Variants in HOOK3 observed in about 807,000 individuals in gnomAD.
HOOK3 encodes hook microtubule tethering protein 3.
A neutral mutation model predicts 116.3 loss-of-function variants in HOOK3; 24 were observed. The observed-to-expected ratio is 0.21, with a 90% CI of 0.15 to 0.29. The LOEUF is 0.29. Among genes scored for constraint, HOOK3 ranks in the 10% least tolerant of loss-of-function variants. HOOK3 has a pLI of 1.00. For synonymous variants in HOOK3, 275 were observed against 283.0 expected (o/e 0.97, Z 0.28); for missense variants, 632 against 830.2 (o/e 0.76, Z 2.93).
At chr8:43,014,339 C>CATTTATAT in intron 21 of HOOK3, among the ~76,000 whole-genome samples, 1 of 149,094 alleles carries the variant, frequency 6.7e-6, no homozygotes, top group Admixed American at 6.7e-5. Flanking sequence ...GACCAGATTC[C>CATTTATAT]ATTTATTTAT....
chr8:42,998,522 A>G (rs1194130575), intron 16 of HOOK3, among the ~76,000 whole-genome samples: 1 of 152,170 alleles, frequency 6.6e-6, no homozygotes, highest in Non-Finnish European at 1.5e-5. Context: ...GATGTAGCCA[A>G]TTCCATTTCG....
chr8:43,011,226 C>T (rs945417171), intron 19 of HOOK3, among the ~76,000 whole-genome samples: 24 of 152,068 alleles, frequency 1.6e-4, no homozygotes, highest in African/African-American at 5.8e-4. Flanking sequence ...ATCTCCTGAC[C>T]TCGTGATCCG....
chr8:43,017,696 G>A (rs1187313453), intron 21 of HOOK3, among the ~76,000 whole-genome samples: 2 of 152,020 alleles, frequency 1.3e-5, no homozygotes, highest in East Asian at 1.9e-4. Flanking sequence ...TCATTCCTCC[G>A]CAGTCAGGTA....
rs1809992905 is a variant in HOOK3, at chr8:43,029,459, T to C, written c.*10961T>C. 1 of 178,432 alleles carries C rather than the reference T, an allele frequency of 5.6e-6. No homozygotes were observed. The highest frequency in any genetic ancestry group is 1.2e-5 in the Non-Finnish European group (1 of 83,148). The allele number at this position is 178,432 out of a possible 1,614,324, so 11.1% of individuals were successfully genotyped here. A position where few individuals can be genotyped will look rare whatever the true frequency, so the allele number is the denominator to read the frequency against. ...CACTGCGCCCGGCCCAAATCTTTTATTTTTTAACAGCCTTAGTTATTTATA... is the reference window on the plus strand; with the variant it reads ...CACTGCGCCCGGCCCAAATCTTTTACTTTTTAACAGCCTTAGTTATTTATA... On this transcript the variant is annotated 3_prime_UTR_variant, in exon 22 of 22. Coordinates refer to ENST00000307602, the MANE Select transcript of HOOK3 (RefSeq NM_032410.4).
chr8:42,993,142 G>A (rs1809199033), intron 15 of HOOK3, among the ~76,000 whole-genome samples: 1 of 152,128 alleles, frequency 6.6e-6, no homozygotes, highest in African/African-American at 2.4e-5. Context: ...AACCATCCTT[G>A]CATACCTGGG....
At chr8:42,959,173 C>A in intron 7 of HOOK3, 58 bp from the exon 8 acceptor site, 2 of 1,129,346 alleles carry the variant, frequency 1.8e-6, no homozygotes, top group South Asian at 1.3e-5. Flanking sequence ...GTTGAACATA[C>A]GAATTATTAA....
chr8:43,008,869 C>T (rs989377815), intron 18 of HOOK3, among the ~76,000 whole-genome samples: 2 of 150,582 alleles, frequency 1.3e-5, no homozygotes, highest in Non-Finnish European at 3.0e-5. Context: ...CCGTTTTAGC[C>T]GGGATGGTCT....
chr8:43,009,485 C>T (rs765975155), intron 18 of HOOK3, among the ~76,000 whole-genome samples: 47 of 151,634 alleles, frequency 3.1e-4, no homozygotes, highest in Non-Finnish European at 5.3e-4. Context: ...TTGAATTTTT[C>T]GTTAACTCTG....
rs1808636335 is a variant in HOOK3, at chr8:42,966,551, T to C, written c.858T>C (p.Asn286=). 2 of 1,614,064 alleles carry C rather than the reference T, an allele frequency of 1.2e-6. No homozygotes were observed. Among genetic ancestry groups the C allele is most frequent in the Non-Finnish European group, 1.7e-6 (2 of 1,180,022 alleles). Residue 286 remains asparagine (N), a synonymous_variant, in exon 10 of 22, where the codon AAT becomes AAC. Coordinates refer to ENST00000307602, the MANE Select transcript of HOOK3 (RefSeq NM_032410.4). ...AGATCTCTGAACTTCGGCAACAGAATGATGAACTGACCACTTTGGCAGATG... is the reference window on the plus strand; with the variant it reads ...AGATCTCTGAACTTCGGCAACAGAACGATGAACTGACCACTTTGGCAGATG... ...EKEISELRQQ[N]DELTTLADEA...
intron 18 of HOOK3, among the ~76,000 whole-genome samples, chr8:43,009,579 T>C (rs1307523648): frequency 1.3e-5 from 2 of 152,264 alleles, no homozygotes; most frequent in East Asian, 1.9e-4. Context: ...TTCCCAAATA[T>C]TTACTCCTGT....
rs142231045 is a variant in HOOK3 at position 42,954,422 on chromosome 8, A to G, written c.469-2672A>G. On this transcript the variant is annotated intron_variant, in intron 6 of 21. Coordinates refer to ENST00000307602, the MANE Select transcript of HOOK3 (RefSeq NM_032410.4). ...ACAACAATGTTTATCAAACTATTTT[A>G]TATTAACAGAAATATGAAAACAATG... 1.5e-4 allele frequency among the ~76,000 whole-genome samples: 23 copies of G among 152,348 alleles called. No individual in the cohort carries two copies. In the East Asian group the frequency reaches 3.9e-3, roughly 26 times the overall value.
At position 42,996,894 on chromosome 8, in the gene HOOK3, C is replaced by CTTTTTTTT. The variant is rs60094537; in HGVS notation, c.1533-635_1533-628dup. Among the ~76,000 whole-genome samples the CTTTTTTTT allele has an allele frequency of 1.4e-4, 11 of 77,896 alleles. 1 individual carries two copies. The highest frequency in any genetic ancestry group is 3.6e-4 in the African/African-American group (8 of 22,504). The allele number at this position is 77,896 out of a possible 152,430, so 51.1% of individuals were successfully genotyped here. A position where few individuals can be genotyped will look rare whatever the true frequency, so the allele number is the denominator to read the frequency against. On this transcript the variant is annotated intron_variant, in intron 15 of 21. Transcript: ENST00000307602. ...ACTTTAATTCCGTGAGGGCAGGGAT[C>CTTTTTTTT]TTTTTTTTTTTTTTTTTTTTTTTTT...
chr8:43,000,677 C>T (rs991618408), intron 16 of HOOK3: 4 of 156,218 alleles, frequency 2.6e-5, no homozygotes, highest in African/African-American at 9.6e-5. Context: ...TCTGGCAGAC[C>T]TGGGTTTTGG....
At chr8:42,904,174 T>A (rs1373248899) in intron 1 of HOOK3, among the ~76,000 whole-genome samples, 2 of 152,214 alleles carry the variant, frequency 1.3e-5, no homozygotes, top group Non-Finnish European at 2.9e-5. Flanking sequence ...TATGGTCACC[T>A]GAGTGTTATT....
At chr8:42,935,389 G>A (rs1807948118) in intron 4 of HOOK3, among the ~76,000 whole-genome samples, 1 of 152,052 alleles carries the variant, frequency 6.6e-6, no homozygotes, top group Non-Finnish European at 1.5e-5. Context: ...AGGCTCTTTA[G>A]TTTTCTTAGA....
At chr8:42,948,101 G>C (rs1035855185) in intron 5 of HOOK3, among the ~76,000 whole-genome samples, 1 of 152,066 alleles carries the variant, frequency 6.6e-6, no homozygotes, top group Non-Finnish European at 1.5e-5. Context: ...CTTCTCTCTG[G>C]TACCAAAAAA....
At chr8:42,948,808 A>G (rs1426219746) in intron 5 of HOOK3, among the ~76,000 whole-genome samples, 1 of 152,210 alleles carries the variant, frequency 6.6e-6, no homozygotes, top group Non-Finnish European at 1.5e-5. Context: ...GACTAAAGGA[A>G]TTCTTTTTTG....
intron 2 of HOOK3, among the ~76,000 whole-genome samples, chr8:42,914,656 C>T (rs188576656): frequency 6.6e-6 from 1 of 152,208 alleles, no homozygotes; most frequent in Non-Finnish European, 1.5e-5. Flanking sequence ...TTCCTTGGCC[C>T]TTCTTGTATT....
intron 5 of HOOK3, among the ~76,000 whole-genome samples, chr8:42,944,997 A>G (rs929614735): frequency 1.3e-5 from 2 of 152,194 alleles, no homozygotes; most frequent in Non-Finnish European, 2.9e-5. Flanking sequence ...TATCATTATT[A>G]TTACGTTGAA....
Sources: allele counts gnomAD v4.1 joint callset (sites outside exome capture counted in the v4.1 genomes callset), GRCh38; gene constraint gnomAD v4.1.1; transcripts MANE v1.5; gene names NCBI Gene and HGNC (gene_info 2026-07-23, HGNC 2026-07-21).